Variants in RELN observed in about 807,000 individuals in gnomAD.
The protein encoded by RELN is reelin.
Under a neutral mutation model 427.6 loss-of-function variants are expected in RELN, and 108 were observed. The observed-to-expected ratio is 0.25, with a 90% CI of 0.22 to 0.30. RELN has a LOEUF of 0.30. RELN is among the 10% of genes least tolerant of loss of function. RELN has a pLI of 1.00. For missense variants in RELN, 3,715 were observed against 4,302.8 expected, an observed-to-expected ratio of 0.86 and a Z score of 3.82; for synonymous variants, 1,524 against 1,513.4, an observed-to-expected ratio of 1.01 and a Z score of -0.16.
At chr7:103,913,811 T>A (rs1795422418) in intron 2 of RELN, among the ~76,000 whole-genome samples, 1 of 152,218 alleles carries the variant, frequency 6.6e-6, no homozygotes, top group African/African-American at 2.4e-5. Flanking sequence ...TTATCAAATT[T>A]TACTTTTAAA....
rs1239798905 is a variant in RELN at position 103,986,876 on chromosome 7, C to G, written c.226+2255G>C. On this transcript the variant is annotated intron_variant, in intron 1 of 64. Coordinates refer to ENST00000428762, the MANE Select transcript of RELN (RefSeq NM_005045.4). The stretch of plus-strand genomic sequence containing the variant: ...TGGTCACATATCAAAATGGGCCAAC[C>G]ACAAAAGTACATGAGATTAAGTTTT... Among the ~76,000 whole-genome samples, 4 of 151,690 alleles carry G rather than the reference C, an allele frequency of 2.6e-5. 1 individual carries two copies. The highest frequency in any genetic ancestry group is 4.2e-4 in the South Asian group (2 of 4,814).
At chr7:103,486,143 C>T (rs914922743) in intron 61 of RELN, 54 bp downstream of exon 61, 13 of 1,513,210 alleles carry the variant, frequency 8.6e-6, no homozygotes, top group Non-Finnish European at 1.1e-5. Flanking sequence ...AATGGACAAT[C>T]ACTGGGCTTG....
chr7:103,889,657 G>T (rs1794802168), intron 2 of RELN, among the ~76,000 whole-genome samples: 1 of 152,116 alleles, frequency 6.6e-6, no homozygotes, highest in South Asian at 2.1e-4. Context: ...GATTGAGAAA[G>T]GGGGGCAGGG....
intron 6 of RELN, among the ~76,000 whole-genome samples, chr7:103,744,735 T>G (rs1321433667): frequency 6.6e-6 from 1 of 152,208 alleles, no homozygotes; most frequent in Non-Finnish European, 1.5e-5. Flanking sequence ...AATCTCTGAA[T>G]AGACCAATAA....
chr7:103,889,587 A>G (rs1188707279), intron 2 of RELN, among the ~76,000 whole-genome samples: 3 of 152,002 alleles, frequency 2.0e-5, no homozygotes, highest in African/African-American at 7.3e-5. Flanking sequence ...AGTCAGAGCC[A>G]CTCCTTCCCC....
chr7:103,943,528 C>T (rs1339718435), intron 1 of RELN, among the ~76,000 whole-genome samples: 2 of 151,986 alleles, frequency 1.3e-5, no homozygotes, highest in East Asian at 3.9e-4. Context: ...TAGGTGAGTT[C>T]ACAAAACTTG....
At chr7:103,514,466 C>T (rs146210133) in intron 50 of RELN, among the ~76,000 whole-genome samples, 3,423 of 152,190 alleles carry the variant, frequency 0.022, 138 homozygotes, top group African/African-American at 0.078. Context: ...TCAAGACCAG[C>T]CTGGCCAACA....
chr7:103,897,518 T>A (rs976811212), intron 2 of RELN, among the ~76,000 whole-genome samples: 1 of 152,078 alleles, frequency 6.6e-6, no homozygotes, highest in African/African-American at 2.4e-5. Flanking sequence ...TATTACTTCA[T>A]TAAACGTTAG....
chr7:103,669,941 GA>G (rs1337852453), intron 11 of RELN, among the ~76,000 whole-genome samples: 3 of 152,040 alleles, frequency 2.0e-5, no homozygotes, highest in African/African-American at 7.2e-5. Context: ...TTGGAGCACA[GA>G]AAAAGTTTTC....
chr7:103,943,538 G>C (rs1703826350), intron 1 of RELN, among the ~76,000 whole-genome samples: 1 of 152,004 alleles, frequency 6.6e-6, no homozygotes, highest in East Asian at 1.9e-4. Context: ...CACAAAACTT[G>C]AATCTAAAAA....
At chr7:103,703,842 T>G (rs1199931323) in intron 8 of RELN, among the ~76,000 whole-genome samples, 1 of 152,200 alleles carries the variant, frequency 6.6e-6, no homozygotes, top group Non-Finnish European at 1.5e-5. Context: ...CTGATGAACT[T>G]AAACTGGTCT....
intron 8 of RELN, among the ~76,000 whole-genome samples, chr7:103,714,032 A>T (rs1269740580): frequency 6.6e-6 from 1 of 152,188 alleles, no homozygotes; most frequent in African/African-American, 2.4e-5. Flanking sequence ...TAACTCATGA[A>T]CAGTATCTAA....
At chr7:103,879,419 G>A (rs1247056847) in intron 2 of RELN, among the ~76,000 whole-genome samples, 1 of 152,172 alleles carries the variant, frequency 6.6e-6, no homozygotes, top group African/African-American at 2.4e-5. Flanking sequence ...TTAATGTTCT[G>A]ATGTTTGAAT....
chr7:103,837,933 C>T (rs1162975593), intron 2 of RELN, among the ~76,000 whole-genome samples: 4 of 152,152 alleles, frequency 2.6e-5, no homozygotes, highest in South Asian at 2.1e-4. Flanking sequence ...AAGGGCCAGG[C>T]GTGGTGGCTC....
chr7:103,755,395 T>G (rs1309110348), intron 4 of RELN, among the ~76,000 whole-genome samples: 1 of 151,922 alleles, frequency 6.6e-6, no homozygotes, highest in Non-Finnish European at 1.5e-5. Flanking sequence ...GATCACGAGG[T>G]CAGGAGATCG....
At chr7:103,780,241 G>T (rs113199310) in intron 3 of RELN, among the ~76,000 whole-genome samples, 81 of 151,916 alleles carry the variant, frequency 5.3e-4, no homozygotes, top group African/African-American at 1.9e-3. Flanking sequence ...TGAGCCCCTC[G>T]ACTTCTTTTC....
At chr7:103,707,127 C>T (rs1188612589) in intron 8 of RELN, among the ~76,000 whole-genome samples, 1 of 152,104 alleles carries the variant, frequency 6.6e-6, no homozygotes, top group Non-Finnish European at 1.5e-5. Context: ...GTGTGAGCCA[C>T]CATACCAAGA....
Position 103,611,002 on chromosome 7 carries a change from A to G in RELN, c.2896-195T>C, listed in dbSNP as rs192292043. Among the ~76,000 whole-genome samples the G allele has an allele frequency of 3.9e-5, 6 of 152,350 alleles. No homozygotes were observed. The East Asian group carries it at 1.2e-3, about 29-fold the overall frequency. ...TCATAGAAAGTCTTAAAATTATGTA[A>G]GAAATAATTTCAAATGAGGTGCCAT... On this transcript the variant is annotated intron_variant, in intron 21 of 64. Coordinates refer to ENST00000428762, the MANE Select transcript of RELN (RefSeq NM_005045.4).
chr7:103,555,900 G>A (rs1222331981), intron 38 of RELN, among the ~76,000 whole-genome samples: 2 of 152,190 alleles, frequency 1.3e-5, no homozygotes, highest in Admixed American at 1.3e-4. Context: ...AAATTTTAGA[G>A]ATGGAAGAAC....
Sources: allele counts gnomAD v4.1 joint callset (sites outside exome capture counted in the v4.1 genomes callset), GRCh38; gene constraint gnomAD v4.1.1; transcripts MANE v1.5; gene names NCBI Gene and HGNC (gene_info 2026-07-23, HGNC 2026-07-21).